ZNF469: variants seen among roughly 807,000 people sequenced by gnomAD.
The protein encoded by ZNF469 is zinc finger protein 469.
In ZNF469, 1 loss-of-function variant was observed where a neutral mutation model predicts 1.0. The observed-to-expected ratio is 1.00, with a 90% CI of 0.35 to 4.73. ZNF469 has a LOEUF of 4.73. ZNF469 is among the 30% of genes most tolerant of loss of function. The pLI is 0.16. For missense variants in ZNF469, 6,100 were observed against 5,356.3 expected, an observed-to-expected ratio of 1.14 and a Z score of -4.33; for synonymous variants, 2,703 against 2,363.4, an observed-to-expected ratio of 1.14 and a Z score of -4.17.
the ZNF469 span, among the ~76,000 whole-genome samples, chr16:88,225,636 G>A: frequency 1.0e-3 from 158 of 152,308 alleles, 4 homozygotes; most frequent in South Asian, 0.032. Flanking sequence ...CAAGGCCATG[G>A]TGTTGGGAGC....
At chr16:88,209,785 A>G in the ZNF469 span, among the ~76,000 whole-genome samples, 1 of 152,218 alleles carries the variant, frequency 6.6e-6, no homozygotes, top group South Asian at 2.1e-4. Context: ...TGGGCATACC[A>G]CAGTTCATTC....
the ZNF469 span, among the ~76,000 whole-genome samples, chr16:88,290,282 T>A: frequency 6.6e-6 from 1 of 152,240 alleles, no homozygotes; most frequent in Non-Finnish European, 1.5e-5. Flanking sequence ...GTGCCCTTGA[T>A]CTCAAAGTTG....
At chr16:88,404,394 A>G (rs1164814666) in intron 1 of ZNF469, among the ~76,000 whole-genome samples, 1 of 152,250 alleles carries the variant, frequency 6.6e-6, no homozygotes, top group East Asian at 1.9e-4. Flanking sequence ...GCTGTTAGTG[A>G]TTCACCAGCA....
chr16:88,221,046 C>T, the ZNF469 span, among the ~76,000 whole-genome samples: 633 of 152,250 alleles, frequency 4.2e-3, 5 homozygotes, highest in African/African-American at 0.015. Flanking sequence ...CTGGTGAAGG[C>T]GTTAATCAGG....
the ZNF469 span, among the ~76,000 whole-genome samples, chr16:88,133,716 T>C: frequency 1.3e-5 from 2 of 152,156 alleles, no homozygotes; most frequent in Non-Finnish European, 2.9e-5. Context: ...TTAACATTCA[T>C]AGGATATTAA....
At chr16:88,267,489 G>T in the ZNF469 span, among the ~76,000 whole-genome samples, 1 of 152,234 alleles carries the variant, frequency 6.6e-6, no homozygotes, top group African/African-American at 2.4e-5. Context: ...GCCCAGGGCT[G>T]GTCCACCACG....
chr16:88,113,594 C>T, the ZNF469 span, among the ~76,000 whole-genome samples: 5 of 152,178 alleles, frequency 3.3e-5, no homozygotes, highest in African/African-American at 9.7e-5. Context: ...GAAGGCCATG[C>T]TTTTTGGGTC....
At chr16:88,149,501 A>G in the ZNF469 span, among the ~76,000 whole-genome samples, 1 of 152,248 alleles carries the variant, frequency 6.6e-6, no homozygotes, top group East Asian at 1.9e-4. Context: ...ATCCCTGAAC[A>G]ACCCTTTCTG....
chr16:88,341,863 T>G, the ZNF469 span, among the ~76,000 whole-genome samples: 387 of 151,896 alleles, frequency 2.5e-3, 2 homozygotes, highest in African/African-American at 9.0e-3. Flanking sequence ...TCATGATGGG[T>G]CCAGGGCCAG....
chr16:88,108,140 G>T, the ZNF469 span, among the ~76,000 whole-genome samples: 2 of 108,208 alleles, frequency 1.8e-5, no homozygotes, highest in African/African-American at 3.7e-5. Flanking sequence ...CGTCTGTGGG[G>T]ATGTGGGGAT....
At chr16:88,163,787 G>A in the ZNF469 span, among the ~76,000 whole-genome samples, 1 of 152,192 alleles carries the variant, frequency 6.6e-6, no homozygotes, top group East Asian at 1.9e-4. Flanking sequence ...ATGCCTGAAA[G>A]GGTGGGTAAG....
chr16:88,308,651 C>G, the ZNF469 span, among the ~76,000 whole-genome samples: 3 of 152,176 alleles, frequency 2.0e-5, no homozygotes, highest in East Asian at 1.9e-4. Flanking sequence ...CAGAAGGACA[C>G]CCACAGACTG....
chr16:88,317,114 C>G, the ZNF469 span, among the ~76,000 whole-genome samples: 1 of 152,322 alleles, frequency 6.6e-6, no homozygotes, highest in South Asian at 2.1e-4. Context: ...ACATGGGCAG[C>G]CCCCACCCCA....
the ZNF469 span, among the ~76,000 whole-genome samples, chr16:88,229,560 GGA>G: frequency 3.4e-4 from 46 of 135,606 alleles, no homozygotes; most frequent in East Asian, 1.3e-3. Flanking sequence ...TCACACGTGT[GGA>G]TGTCACGCTT....
At chr16:88,170,437 ATTCCCTCCCTG>A in the ZNF469 span, among the ~76,000 whole-genome samples, 13 of 152,126 alleles carry the variant, frequency 8.5e-5, no homozygotes, top group African/African-American at 3.1e-4. This position sits in a 1 kb window ranked among gnomAD's most constrained non-coding sequence, Gnocchi z 4.2. Flanking sequence ...ACACCTCCCC[ATTCCCTCCCTG>A]TTCCCAGCCC....
At chr16:88,373,455 G>C in the ZNF469 span, among the ~76,000 whole-genome samples, 2 of 152,182 alleles carry the variant, frequency 1.3e-5, no homozygotes, top group Non-Finnish European at 2.9e-5. Flanking sequence ...CGGATGGGGA[G>C]GCCACGCAGA....
chr16:88,161,365 A>G, the ZNF469 span, among the ~76,000 whole-genome samples: 39,103 of 151,972 alleles, frequency 0.26, 6,068 homozygotes, highest in East Asian at 0.49. Flanking sequence ...TGGAACTGAC[A>G]GTACTGCCTG....
chr16:88,144,850 T>C, the ZNF469 span, among the ~76,000 whole-genome samples: 394 of 130,160 alleles, frequency 3.0e-3, 4 homozygotes, highest in African/African-American at 0.012. Flanking sequence ...TTGCCCCCCT[T>C]TTTTTTTTTC....
chr16:88,153,626 C>A, the ZNF469 span, among the ~76,000 whole-genome samples: 2 of 152,226 alleles, frequency 1.3e-5, no homozygotes, highest in Non-Finnish European at 2.9e-5. Flanking sequence ...CTGCGGGAGG[C>A]CTTGTGTTAG....
Sources: allele counts gnomAD v4.1 joint callset (sites outside exome capture counted in the v4.1 genomes callset), GRCh38; gene constraint gnomAD v4.1.1; non-coding constraint Gnocchi (gnomAD v3.1); transcripts MANE v1.5; gene names NCBI Gene and HGNC (gene_info 2026-07-23, HGNC 2026-07-21).